The following SSH2 variants were observed in gnomAD, a reference collection of about 807,000 sequenced individuals.
SSH2 encodes slingshot protein phosphatase 2, also known as protein phosphatase Slingshot homolog 2.
SSH2 carries 37 observed loss-of-function variants against 135.2 expected under a neutral mutation model. The ratio of observed to expected loss-of-function variants is 0.27; its 90% CI spans 0.21 to 0.36. The LOEUF is 0.36. Ranked by LOEUF, SSH2 falls within the 10% of genes least tolerant of loss-of-function variation. The pLI, the probability that SSH2 is intolerant of heterozygous loss-of-function variation, is 1.00. For synonymous variants in SSH2, 628 were observed against 646.2 expected (o/e 0.97, Z 0.43); for missense variants, 1,408 against 1,765.3 (o/e 0.80, Z 3.63).
rs2037082025 is a variant in SSH2 at position 29,662,322 on chromosome 17, AG to A, written c.1032+4544del. The stretch of plus-strand genomic sequence containing the variant: ...GACTACAGCACATTTATAGCAAATA[AG>A]GACTGTACTGTGGGAGTTCTGCTAA... On this transcript the variant is annotated intron_variant, in intron 11 of 15. Transcript: ENST00000540801. Among the ~76,000 whole-genome samples, 9 of 152,336 alleles carry A rather than the reference AG, an allele frequency of 5.9e-5. No homozygotes were observed. The South Asian group carries it at 1.9e-3, about 32-fold the overall frequency.
rs1029500257 is a variant in SSH2, at chr17:29,877,371, A to G, written c.64-28442T>C. ...ATATGATCCAGCAATCCCACTGCTC[A>G]GTATATACCCCAAAGAAAAGAAATC... On this transcript the variant is annotated intron_variant, in intron 1 of 15. Transcript: ENST00000540801. 2.0e-5 allele frequency among the ~76,000 whole-genome samples: 3 copies of G among 152,206 alleles called. No individual in the cohort carries two copies. The East Asian group carries it at 5.8e-4, about 29-fold the overall frequency.
intron 1 of SSH2, among the ~76,000 whole-genome samples, chr17:29,925,911 A>T (rs1386598511): frequency 1.3e-5 from 2 of 152,228 alleles, no homozygotes; most frequent in South Asian, 2.1e-4. Context: ...AAAATAAAAA[A>T]GTTTAAAAAA....
intron 13 of SSH2, among the ~76,000 whole-genome samples, chr17:29,649,395 A>G (rs2036504829): frequency 6.6e-6 from 1 of 151,702 alleles, no homozygotes; most frequent in African/African-American, 2.4e-5. Context: ...CTGAAATGAG[A>G]CAAGTTTTTT....
chr17:29,732,998 T>C (rs1021849298), intron 3 of SSH2, among the ~76,000 whole-genome samples: 5 of 152,170 alleles, frequency 3.3e-5, no homozygotes, highest in Admixed American at 2.6e-4. Context: ...GGGTAAAATG[T>C]TCAGCAGTTT....
chr17:29,870,035 A>G (rs979394637), intron 1 of SSH2, among the ~76,000 whole-genome samples: 11 of 151,616 alleles, frequency 7.3e-5, no homozygotes, highest in African/African-American at 2.4e-4. Context: ...TCCTAGCTTT[A>G]TGTCTATTAA....
chr17:29,690,710 C>T (rs2038431350), intron 5 of SSH2, among the ~76,000 whole-genome samples: 1 of 151,972 alleles, frequency 6.6e-6, no homozygotes, highest in African/African-American at 2.4e-5. Flanking sequence ...ATTAGAGCTT[C>T]AGGAAGTCTC....
intron 1 of SSH2, among the ~76,000 whole-genome samples, chr17:29,882,473 C>T (rs140991983): frequency 3.3e-5 from 5 of 152,216 alleles, no homozygotes; most frequent in Admixed American, 6.5e-5. Context: ...ATGCTCTGGC[C>T]GGGCGCAGTG....
chr17:29,927,378 C>G (rs2067085948), intron 1 of SSH2, among the ~76,000 whole-genome samples: 1 of 152,122 alleles, frequency 6.6e-6, no homozygotes. Flanking sequence ...ATCTTAGTAT[C>G]TACAATGGTC....
intron 3 of SSH2, among the ~76,000 whole-genome samples, chr17:29,734,052 G>A (rs2040288048): frequency 6.6e-6 from 1 of 151,836 alleles, no homozygotes; most frequent in Admixed American, 6.6e-5. Flanking sequence ...CCAAGCAGCT[G>A]GGACTACAGG....
intron 2 of SSH2, among the ~76,000 whole-genome samples, chr17:29,841,685 G>A (rs1482979599): frequency 6.6e-6 from 1 of 152,100 alleles, no homozygotes; most frequent in African/African-American, 2.4e-5. Flanking sequence ...TAATATGGAG[G>A]TGCAAAAATT....
chr17:29,858,461 A>C (rs866949309), intron 1 of SSH2, among the ~76,000 whole-genome samples: 3 of 152,172 alleles, frequency 2.0e-5, no homozygotes, highest in Non-Finnish European at 4.4e-5. Flanking sequence ...TTGTATTTGG[A>C]AACGGAGCCT....
At chr17:29,743,933 C>CA (rs2040662611) in intron 3 of SSH2, among the ~76,000 whole-genome samples, 1 of 78,904 alleles carries the variant, frequency 1.3e-5, no homozygotes. Flanking sequence ...TTTTTTTTTA[C>CA]AAAACAAAAC....
At chr17:29,728,316 C>T (rs1367631681) in intron 3 of SSH2, among the ~76,000 whole-genome samples, 1 of 152,148 alleles carries the variant, frequency 6.6e-6, no homozygotes, top group Non-Finnish European at 1.5e-5. Context: ...AGTAGTCACA[C>T]ATAAAATTAA....
intron 3 of SSH2, among the ~76,000 whole-genome samples, chr17:29,785,194 T>C (rs1341812966): frequency 6.6e-6 from 1 of 152,106 alleles, no homozygotes; most frequent in Admixed American, 6.6e-5. Flanking sequence ...ATATATTATA[T>C]GTATTGCTGG....
intron 3 of SSH2, among the ~76,000 whole-genome samples, chr17:29,781,082 A>C (rs1319720551): frequency 2.0e-5 from 3 of 152,204 alleles, no homozygotes; most frequent in Admixed American, 6.5e-5. Flanking sequence ...AAGTGCTGGG[A>C]TTACAGGCGT....
At chr17:29,740,274 C>T (rs916813576) in intron 3 of SSH2, among the ~76,000 whole-genome samples, 6 of 152,192 alleles carry the variant, frequency 3.9e-5, no homozygotes, top group African/African-American at 1.2e-4. Context: ...ACTGCTGCCA[C>T]TACAAAGTGA....
chr17:29,742,092 G>GC (rs764944379), intron 3 of SSH2, among the ~76,000 whole-genome samples: 8 of 151,460 alleles, frequency 5.3e-5, no homozygotes, highest in Non-Finnish European at 7.4e-5. Context: ...GTGCCACCAT[G>GC]TCCGATTAAT....
intron 2 of SSH2, among the ~76,000 whole-genome samples, chr17:29,823,570 C>G (rs1372859316): frequency 6.6e-6 from 1 of 152,086 alleles, no homozygotes; most frequent in African/African-American, 2.4e-5. Context: ...CCCTCCTAAC[C>G]CACTTGGGCA....
intron 1 of SSH2, chr17:29,864,073 G>A (rs926043882): frequency 2.0e-5 from 3 of 152,228 alleles, no homozygotes; most frequent in African/African-American, 7.2e-5. Context: ...GGAGGCCGAG[G>A]TGGGTGGATC....
Sources: allele counts gnomAD v4.1 joint callset (sites outside exome capture counted in the v4.1 genomes callset), GRCh38; gene constraint gnomAD v4.1.1; transcripts MANE v1.5; gene names NCBI Gene and HGNC (gene_info 2026-07-23, HGNC 2026-07-21).